TMEM266: variants seen among roughly 807,000 people sequenced by gnomAD.
TMEM266 encodes Hv1 related protein 1.
TMEM266 carries 33 observed loss-of-function variants against 50.5 expected under a neutral mutation model. The observed-to-expected ratio is 0.65, with a 90% CI of 0.50 to 0.87. The LOEUF (loss-of-function observed/expected upper bound fraction) is 0.87. Among genes scored for constraint, TMEM266 ranks in the 40% least tolerant of loss-of-function variants. The pLI, the probability that TMEM266 is intolerant of heterozygous loss-of-function variation, is 0.00. For missense variants in TMEM266, 655 were observed against 695.1 expected, an observed-to-expected ratio of 0.94 and a Z score of 0.65; for synonymous variants, 310 against 292.3, an observed-to-expected ratio of 1.06 and a Z score of -0.62.
intron 1 of TMEM266, among the ~76,000 whole-genome samples, chr15:76,120,547 G>A (rs1432532344): frequency 6.6e-6 from 1 of 152,012 alleles, no homozygotes; most frequent in Non-Finnish European, 1.5e-5. Context: ...GATCACTTGA[G>A]GTCAGGAGTT....
At chr15:76,200,295 G>A (rs567276222) in intron 9 of TMEM266, among the ~76,000 whole-genome samples, 1 of 152,114 alleles carries the variant, frequency 6.6e-6, no homozygotes, top group African/African-American at 2.4e-5. Flanking sequence ...CAGTCCCTTC[G>A]CACTCCGCTG....
chr15:76,201,085 TC>T (rs1031737436), intron 9 of TMEM266, among the ~76,000 whole-genome samples: 3 of 152,000 alleles, frequency 2.0e-5, no homozygotes, highest in Non-Finnish European at 4.4e-5. Flanking sequence ...CTGGAGCACT[TC>T]CAGACTTCCA....
intron 1 of TMEM266, among the ~76,000 whole-genome samples, chr15:76,062,221 GA>G (rs1279483469): frequency 6.6e-6 from 1 of 152,146 alleles, no homozygotes; most frequent in African/African-American, 2.4e-5. Flanking sequence ...GAATTATTTG[GA>G]AAGTATATCC....
chr15:76,125,731 C>T lies in TMEM266; in HGVS notation c.-96-8437C>T, dbSNP rs2037411001. ...GGCCTGGTGGCACATGCCTGTAATC[C>T]CAGCTACCCGGGAGGCTGAGGCAGG... is the stretch of plus-strand genomic sequence containing the variant. On this transcript the variant is annotated intron_variant, in intron 1 of 10. Transcript: ENST00000388942. 2.6e-5 allele frequency among the ~76,000 whole-genome samples: 4 copies of T among 151,816 alleles called. No homozygotes were observed. The South Asian group carries it at 6.3e-4, about 24-fold the overall frequency.
At chr15:76,091,721 G>A (rs750443339) in intron 1 of TMEM266, among the ~76,000 whole-genome samples, 5 of 151,928 alleles carry the variant, frequency 3.3e-5, no homozygotes, top group Admixed American at 1.3e-4. Context: ...GGGCGCAGTG[G>A]CTCACACCTG....
chr15:76,170,748 T>C (rs1390541861), intron 6 of TMEM266, among the ~76,000 whole-genome samples: 2 of 152,196 alleles, frequency 1.3e-5, no homozygotes, highest in African/African-American at 4.8e-5. Flanking sequence ...CAAGGCCATC[T>C]GAACTAAGGG....
At chr15:76,087,970 A>G (rs980044378) in intron 1 of TMEM266, among the ~76,000 whole-genome samples, 2 of 152,194 alleles carry the variant, frequency 1.3e-5, no homozygotes, top group African/African-American at 4.8e-5. Context: ...TCTATTCACA[A>G]CCTTATCTCT....
rs2038803952 is a variant in TMEM266, at chr15:76,204,389, A to C, written c.*74A>C. On this transcript the variant is annotated 3_prime_UTR_variant, in exon 11 of 11. Coordinates refer to ENST00000388942, the MANE Select transcript of TMEM266 (RefSeq NM_152335.3). ...TCTCCTGGGACCCTGGAGGCTGCCA[A>C]GGGCCACACGCGGGGCCCAGGAGCC... is the stretch of plus-strand genomic sequence containing the variant. 6.9e-7 allele frequency: 1 copy of C among 1,440,246 alleles called. No individual in the cohort carries two copies. The highest frequency in any genetic ancestry group is 2.2e-5 in the Admixed American group (1 of 45,928). 89.2% of individuals were successfully genotyped at this position (1,440,246 alleles called of 1,614,324 possible). A position where few individuals can be genotyped will look rare whatever the true frequency, so the allele number is the denominator to read the frequency against.
intron 1 of TMEM266, among the ~76,000 whole-genome samples, chr15:76,094,114 GT>G (rs1219665842): frequency 2.6e-5 from 4 of 152,048 alleles, no homozygotes; most frequent in African/African-American, 9.7e-5. Flanking sequence ...AAGCTCTTTA[GT>G]TTAATTTGAT....
chr15:76,178,198 A>T (rs1002561899), intron 8 of TMEM266, among the ~76,000 whole-genome samples: 1 of 152,048 alleles, frequency 6.6e-6, no homozygotes, highest in African/African-American at 2.4e-5. Context: ...ATCTGCTCAG[A>T]TGTGAGTTGT....
intron 1 of TMEM266, among the ~76,000 whole-genome samples, chr15:76,111,598 G>C (rs1555447468): frequency 6.6e-6 from 1 of 151,530 alleles, no homozygotes; most frequent in South Asian, 2.1e-4. Context: ...AATAGAGATG[G>C]GGTTTCCCCA....
At chr15:76,183,103 CTTTTTTTTTTTTTTT>C (rs71140199) in intron 8 of TMEM266, among the ~76,000 whole-genome samples, 16 of 44,126 alleles carry the variant, frequency 3.6e-4, no homozygotes, top group South Asian at 1.6e-3. Flanking sequence ...CATTTTGTGG[CTTTTTTTTTTTTTTT>C]TTTTTTTTTT....
intron 1 of TMEM266, among the ~76,000 whole-genome samples, chr15:76,062,913 A>G (rs540990559): frequency 2.0e-5 from 3 of 152,212 alleles, no homozygotes; most frequent in Admixed American, 1.3e-4. Context: ...TTTCCAAGCT[A>G]TGAAACTCAC....
chr15:76,085,490 C>T (rs1282037236), intron 1 of TMEM266, among the ~76,000 whole-genome samples: 2 of 150,430 alleles, frequency 1.3e-5, no homozygotes, highest in East Asian at 2.0e-4. Flanking sequence ...GAACTCCTGA[C>T]CTCAGTTGAT....
intron 9 of TMEM266, 51 bp downstream of exon 9, chr15:76,192,208 C>T: frequency 7.2e-7 from 1 of 1,381,812 alleles, no homozygotes; most frequent in Non-Finnish European, 9.3e-7. Context: ...GGGGATCCCC[C>T]TCGCCTCCCT....
At chr15:76,061,578 C>T (rs931308983) in intron 1 of TMEM266, among the ~76,000 whole-genome samples, 1 of 152,186 alleles carries the variant, frequency 6.6e-6, no homozygotes, top group Non-Finnish European at 1.5e-5. Context: ...TTCATAGATT[C>T]TGCACCAACT....
At chr15:76,182,147 T>A (rs1425916493) in intron 8 of TMEM266, among the ~76,000 whole-genome samples, 2 of 151,576 alleles carry the variant, frequency 1.3e-5, no homozygotes, top group African/African-American at 4.9e-5. Flanking sequence ...CTTGGAGGAG[T>A]GGAAAGAATC....
chr15:76,069,824 GAAA>G (rs879709908), intron 1 of TMEM266, among the ~76,000 whole-genome samples: 1 of 121,950 alleles, frequency 8.2e-6, no homozygotes, highest in South Asian at 2.5e-4. Flanking sequence ...TCTCAGAAAA[GAAA>G]AAAAAAAAAG....
intron 1 of TMEM266, among the ~76,000 whole-genome samples, chr15:76,095,923 TG>T (rs1027757604): frequency 1.3e-5 from 2 of 152,126 alleles, no homozygotes; most frequent in African/African-American, 4.8e-5. Flanking sequence ...TAGTATTCTC[TG>T]ATGGTGGTAG....
Sources: allele counts gnomAD v4.1 joint callset (sites outside exome capture counted in the v4.1 genomes callset), GRCh38; gene constraint gnomAD v4.1.1; transcripts MANE v1.5; gene names NCBI Gene and HGNC (gene_info 2026-07-23, HGNC 2026-07-21).